C10orf143: variants seen among roughly 807,000 people sequenced by gnomAD.
C10orf143 encodes the protein chromosome 10 open reading frame 143.
chr10:130,080,629 C>G (rs1275625084), intron 1 of C10orf143, among the ~76,000 whole-genome samples: 5 of 152,220 alleles, frequency 3.3e-5, no homozygotes. Flanking sequence ...GCCCTGGCAG[C>G]CAGCCCAAGA....
chr10:130,100,026 C>T (rs577937777), intron 1 of C10orf143, among the ~76,000 whole-genome samples: 139 of 151,054 alleles, frequency 9.2e-4, no homozygotes, highest in African/African-American at 2.3e-3. Flanking sequence ...TTAGTAGAGA[C>T]GGGGTTTCAC....
At chr10:130,036,018 A>C (rs1860541081) in intron 3 of C10orf143, 1 of 152,230 alleles carries the variant, frequency 6.6e-6, no homozygotes, top group South Asian at 2.1e-4. Flanking sequence ...TCTTCTTATA[A>C]GGACACAAAT....
At chr10:130,105,906 G>C in intron 1 of C10orf143, 2 of 367,370 alleles carry the variant, frequency 5.4e-6, no homozygotes, top group South Asian at 2.1e-5. Flanking sequence ...GCATCCCCCA[G>C]CTCCCCCCCG....
chr10:130,040,942 A>G (rs1312074723), intron 3 of C10orf143, among the ~76,000 whole-genome samples: 1 of 151,834 alleles, frequency 6.6e-6, no homozygotes, highest in African/African-American at 2.4e-5. Context: ...TTGCTTGGGG[A>G]GCACTCCCGG....
intron 3 of C10orf143, among the ~76,000 whole-genome samples, chr10:130,049,008 T>C (rs1754672159): frequency 6.6e-6 from 1 of 152,138 alleles, no homozygotes; most frequent in South Asian, 2.1e-4. Context: ...CCCAGCTCCA[T>C]TTTCTTAATA....
At chr10:130,063,122 G>A (rs532072652), downstream of C10orf143, among the ~76,000 whole-genome samples, 4 of 152,226 alleles carry the variant, frequency 2.6e-5, no homozygotes, top group Admixed American at 1.3e-4. Context: ...GAGGATGCCC[G>A]GGGACTGTTC....
intron 1 of C10orf143, among the ~76,000 whole-genome samples, chr10:130,098,052 G>T (rs1230475108): frequency 6.6e-6 from 1 of 152,016 alleles, no homozygotes; most frequent in South Asian, 2.1e-4. Flanking sequence ...GCCAGGCATG[G>T]TGGCTCACAC....
intron 1 of C10orf143, chr10:130,101,302 C>T (rs1052716501): frequency 2.6e-5 from 4 of 151,840 alleles, no homozygotes; most frequent in African/African-American, 9.7e-5. Flanking sequence ...ATCCAAGAAT[C>T]TCAGTAACCC....
chr10:130,061,630 T>C (rs1288995543), downstream of C10orf143, among the ~76,000 whole-genome samples: 1 of 152,222 alleles, frequency 6.6e-6, no homozygotes, highest in Non-Finnish European at 1.5e-5. Flanking sequence ...GCCCAGTCTG[T>C]TTCCTCAGGG....
chr10:130,048,121 GCAGA>G (rs755940449), intron 3 of C10orf143, among the ~76,000 whole-genome samples: 4 of 152,216 alleles, frequency 2.6e-5, no homozygotes, highest in South Asian at 2.1e-4. Flanking sequence ...AGCCCAGTAA[GCAGA>G]CAGATGGAAG....
At chr10:130,084,768 T>C (rs889791362) in intron 1 of C10orf143, among the ~76,000 whole-genome samples, 54 of 152,186 alleles carry the variant, frequency 3.5e-4, no homozygotes, top group African/African-American at 1.3e-3. Context: ...CGAAATACCA[T>C]TTTCCCTTAA....
chr10:130,058,278 A>G (rs1240792682), intron 3 of C10orf143, among the ~76,000 whole-genome samples: 1 of 152,170 alleles, frequency 6.6e-6, no homozygotes, highest in Non-Finnish European at 1.5e-5. Context: ...CAGATGCTGG[A>G]GTGGAGGCCA....
chr10:130,067,128 G>A (rs571589635), intron 3 of C10orf143: 2 of 152,342 alleles, frequency 1.3e-5, no homozygotes, highest in African/African-American at 4.8e-5. Context: ...CACACCCTTG[G>A]GGCACACGTG....
intron 1 of C10orf143, among the ~76,000 whole-genome samples, chr10:130,093,309 T>C (rs1861411149): frequency 6.6e-6 from 1 of 152,230 alleles, no homozygotes. Context: ...TGGTCCTGAA[T>C]GACTAATAGG....
At chr10:130,048,173 G>C (rs1475160244) in intron 3 of C10orf143, among the ~76,000 whole-genome samples, 1 of 152,204 alleles carries the variant, frequency 6.6e-6, no homozygotes, top group Non-Finnish European at 1.5e-5. Context: ...GAGGACAGCA[G>C]GCTTGCCAGC....
intron 3 of C10orf143, among the ~76,000 whole-genome samples, chr10:130,070,827 A>G (rs1459583827): frequency 6.6e-6 from 1 of 152,204 alleles, no homozygotes; most frequent in Admixed American, 6.5e-5. Flanking sequence ...TTCATTGAGT[A>G]AATCTATTGC....
intron 1 of C10orf143, among the ~76,000 whole-genome samples, chr10:130,095,579 G>A (rs1861449683): frequency 6.6e-6 from 1 of 152,126 alleles, no homozygotes; most frequent in Non-Finnish European, 1.5e-5. Context: ...GCATGGTACT[G>A]GTACCAAAAC....
intron 1 of C10orf143, among the ~76,000 whole-genome samples, chr10:130,088,219 CT>C (rs1372116200): frequency 1.3e-5 from 2 of 152,060 alleles, no homozygotes; most frequent in Non-Finnish European, 2.9e-5. Flanking sequence ...TCCGTCTCTA[CT>C]AAACATACAA....
intron 1 of C10orf143, chr10:130,108,573 T>C (rs1217961285): frequency 3.3e-5 from 19 of 578,826 alleles, no homozygotes; most frequent in Non-Finnish European, 5.4e-5. Context: ...ATTCTTAGGA[T>C]AGTATTTTGT....
Sources: gnomAD v4.1 joint callset for allele counts (sites outside exome capture counted in the v4.1 genomes callset) on GRCh38, gnomAD v4.1.1 for gene constraint, MANE v1.5 for transcripts, NCBI Gene and HGNC (gene_info 2026-07-23, HGNC 2026-07-21) for gene names.